Variants in CELSR2 observed in about 807,000 individuals in gnomAD.
The protein encoded by CELSR2 is cadherin EGF LAG seven-pass G-type receptor 2.
In CELSR2, 81 loss-of-function variants were observed where a neutral mutation model predicts 251.6. The observed-to-expected ratio is 0.32, with a 90% CI of 0.27 to 0.39. CELSR2 has a LOEUF of 0.39. Among genes scored for constraint, CELSR2 ranks in the 10% least tolerant of loss-of-function variants. CELSR2 has a pLI of 1.00. For synonymous variants in CELSR2, 1,721 were observed against 1,670.5 expected (o/e 1.03, Z -0.74); for missense variants, 3,365 against 3,947.7 (o/e 0.85, Z 3.96).
At chr1:109,263,310 A>C in intron 8 of CELSR2, 43 bp downstream of exon 8, 2 of 1,543,552 alleles carry the variant, frequency 1.3e-6, no homozygotes, top group Non-Finnish European at 1.8e-6. Flanking sequence ...GGGTGCCATC[A>C]ACAGTCTGGG....
chr1:109,252,217 A>C lies in CELSR2; in HGVS notation c.2138A>C (p.Gln713Pro). 6.2e-7 allele frequency: 1 copy of C among 1,613,684 alleles called. No individual in the cohort carries two copies. Among genetic ancestry groups the C allele is most frequent in the Non-Finnish European group, 8.5e-7 (1 of 1,180,024 alleles). ...GCCAACACCCATCGTCCTGTCTTTC[A>C]GAGCTCCCACTATACAGTGAATGTT... is the stretch of plus-strand genomic sequence containing the variant. ...TDANTHRPVF[Q>P]SSHYTVNVNE... Residue 713 changes from glutamine (Q) to proline (P), a missense_variant, in exon 1 of 34, where the codon CAG (glutamine) becomes CCG (proline). By Grantham distance (76) the Gln-to-Pro change is moderately conservative. This residue lies in a region of CELSR2 where 505 missense variants were observed against 660.0 expected (regional missense o/e 0.77). Transcript: ENST00000271332. This position sits in a 1 kb window ranked among gnomAD's most constrained non-coding sequence, Gnocchi z 4.8.
At chr1:109,265,131 C>A in intron 12 of CELSR2, 60 bp from the exon 13 acceptor site, 1 of 1,582,678 alleles carries the variant, frequency 6.3e-7, no homozygotes, top group Non-Finnish European at 8.6e-7. Context: ...ACATAGGGCT[C>A]ACCTAGGTTA....
rs761753467 is a variant in CELSR2 at position 109,273,568 on chromosome 1, G to A, written c.8642G>A (p.Arg2881His). The A allele has an allele frequency of 1.7e-5, 26 of 1,564,758 alleles. No individual in the cohort carries two copies. In the Middle Eastern group the frequency reaches 1.2e-3, roughly 72 times the overall value. The change falls in exon 33 of 34, where the codon CGC becomes CAC. Residue 2881 changes from arginine to histidine, a missense_variant. Arg to His is a conservative substitution (Grantham distance 29). This residue lies in a region of CELSR2 where 2,093 missense variants were observed against 2,382.8 expected (regional missense o/e 0.88). Coordinates refer to ENST00000271332, the MANE Select transcript of CELSR2 (RefSeq NM_001408.3). ...SEGSRGGPPP[R>H]PPPRQSLQEQ... ...GGCAGCCGGGGAGGCCCCCCTCCCC[G>A]CCCACCGCCCCGGCAGAGCCTCCAG...
At chr1:109,272,549 C>A in intron 29 of CELSR2, 91 bp from the exon 30 acceptor site, 2 of 1,488,686 alleles carry the variant, frequency 1.3e-6, no homozygotes, top group Non-Finnish European at 9.3e-7. Context: ...AAGGGACCCA[C>A]AGCAGGAACC....
Position 109,265,740 on chromosome 1 carries a change from C to G in CELSR2, c.5733C>G (p.Asn1911Lys), listed in dbSNP as rs748190798. 1 of 1,608,290 alleles carries G rather than the reference C, an allele frequency of 6.2e-7. No homozygotes were observed. The highest frequency in any genetic ancestry group is 1.1e-5 in the South Asian group (1 of 90,908). ...KTSGECHCKE[N>K]HYRPPGSPTC... ...GTTCTTCCCTCCTTTCTCAGGAGAA[C>G]CACTACCGGCCCCCAGGCAGCCCCA... Residue 1911 changes from asparagine (N) to lysine (K), a missense_variant, in exon 14 of 34, where the codon AAC (asparagine) becomes AAG (lysine). Asn to Lys is a moderately conservative substitution (Grantham distance 94, BLOSUM62 0). Coordinates refer to ENST00000271332, the MANE Select transcript of CELSR2 (RefSeq NM_001408.3).
intron 1 of CELSR2, among the ~76,000 whole-genome samples, chr1:109,255,097 C>G (rs1342501100): frequency 6.6e-6 from 1 of 152,156 alleles, no homozygotes; most frequent in Non-Finnish European, 1.5e-5. Context: ...CAGGACGGCT[C>G]CTCCTGGCCC....
Position 109,270,512 on chromosome 1 carries a change from C to T in CELSR2, c.7395C>T (p.Tyr2465=). 6.2e-7 allele frequency: 1 copy of T among 1,614,224 alleles called. No individual in the cohort carries two copies. The change falls in exon 24 of 34, where the codon TAC becomes TAT. Residue 2465 remains tyrosine (Y), a synonymous_variant. Transcript: ENST00000271332. ...CTCTGCTGGAGGCCTTGCACCTGTA[C>T]CGGGCACTCACTGAGGTGCGCGATG... is the stretch of plus-strand genomic sequence containing the variant. ...SWALLEALHL[Y]RALTEVRDVN... is the part of the protein sequence containing the mutation.
rs762474678 is a variant in CELSR2 at position 109,258,734 on chromosome 1, C to G, written c.3613C>G (p.Leu1205Val). 1 of 1,563,572 alleles carries G rather than the reference C, an allele frequency of 6.4e-7. No individual in the cohort carries two copies. The highest frequency in any genetic ancestry group is 8.7e-7 in the Non-Finnish European group (1 of 1,154,176). The change falls in exon 2 of 34, where the codon CTG becomes GTG. Residue 1205 changes from leucine to valine, a missense_variant. Coordinates refer to ENST00000271332, the MANE Select transcript of CELSR2 (RefSeq NM_001408.3). ...GCCGCCCTTCCTGCCCTCTGAGGAC[C>G]TGCAGGAGCGCCTATACCTCAACCG... ...GGPPFLPSEDLQERLYLNRSL... is the reference protein window; with the variant it reads ...GGPPFLPSEDVQERLYLNRSL...
rs1049523971 is a variant in CELSR2 at position 109,275,705 on chromosome 1, GT to G, written c.*1662del. 6.6e-6 allele frequency: 1 copy of G among 152,196 alleles called. No individual in the cohort carries two copies. The highest frequency in any genetic ancestry group is 2.4e-5 in the African/African-American group (1 of 41,448). 9.4% of individuals were successfully genotyped at this position (152,196 alleles called of 1,614,324 possible). A position where few individuals can be genotyped will look rare whatever the true frequency, so the allele number is the denominator to read the frequency against. On this transcript the variant is annotated 3_prime_UTR_variant, in exon 34 of 34. Transcript: ENST00000271332. ...AATAGGGTAGCGTTTTGTTGTTGTT[GT>G]TTTTTCATGCCCCATACTACTGAAT... is the stretch of plus-strand genomic sequence containing the variant.
At chr1:109,260,680 G>A (rs1655994926) in intron 2 of CELSR2, among the ~76,000 whole-genome samples, 1 of 152,160 alleles carries the variant, frequency 6.6e-6, no homozygotes, top group South Asian at 2.1e-4. Context: ...GGTGTGCTTG[G>A]TAGTGTGACA....
Position 109,269,816 on chromosome 1 carries a change from G to T in CELSR2, c.7103G>T (p.Arg2368Leu). 6.2e-7 allele frequency: 1 copy of T among 1,612,660 alleles called. No individual in the cohort carries two copies. Reference protein sequence around the residue: ...SFAVLMDVSRRENGEILPLKT... With the variant: ...SFAVLMDVSRLENGEILPLKT... ...GCTGTGCTCATGGACGTTTCTCGGC[G>T]GGAGGTCGGGCCCACAGGGGCAGCT... Residue 2368 changes from arginine (R) to leucine (L), a missense_variant, in exon 22 of 34, where the codon CGG (arginine) becomes CTG (leucine). By Grantham distance (102) the Arg-to-Leu change is moderately radical. This residue lies in a region of CELSR2 where 2,093 missense variants were observed against 2,382.8 expected (regional missense o/e 0.88). Coordinates refer to ENST00000271332, the MANE Select transcript of CELSR2 (RefSeq NM_001408.3). The surrounding 1 kb of genome is among the most constrained non-coding windows in gnomAD (Gnocchi z 6.4).
Position 109,250,100 on chromosome 1 carries a change from C to T in CELSR2, c.21C>T (p.Gly7=). 3 of 1,541,010 alleles carry T rather than the reference C, an allele frequency of 1.9e-6. No individual in the cohort carries two copies. Among genetic ancestry groups the T allele is most frequent in the Non-Finnish European group, 1.7e-6 (2 of 1,149,860 alleles). ...GAGAGATGCGGAGCCCGGCCACCGG[C>T]GTCCCCCTCCCAACGCCGCCGCCGC... MRSPAT[G]VPLPTPPPPL... Residue 7 remains glycine (G), a synonymous_variant, in exon 1 of 34, where the codon GGC becomes GGT. Transcript: ENST00000271332. This position sits in a 1 kb window ranked among gnomAD's most constrained non-coding sequence, Gnocchi z 4.4.
Position 109,251,984 on chromosome 1 carries a change from G to A in CELSR2, c.1905G>A (p.Val635=), listed in dbSNP as rs769009544. The part of the protein sequence containing the change: ...VGTSVVTVSA[V]DRDAHSVITY... ...CCAGCGTGGTGACGGTGTCAGCTGT[G>A]GACCGTGATGCTCATAGTGTCATCA... Residue 635 remains valine (V), a synonymous_variant, in exon 1 of 34, where the codon GTG becomes GTA. Coordinates refer to ENST00000271332, the MANE Select transcript of CELSR2 (RefSeq NM_001408.3). This position sits in a 1 kb window ranked among gnomAD's most constrained non-coding sequence, Gnocchi z 4.9. 1 of 1,614,078 alleles carries A rather than the reference G, an allele frequency of 6.2e-7. No homozygotes were observed. Among genetic ancestry groups the A allele is most frequent in the Non-Finnish European group, 8.5e-7 (1 of 1,180,016 alleles).
rs1291866693 is a variant in CELSR2, at chr1:109,249,853, G to T, written c.-227G>T. Among the ~76,000 whole-genome samples the T allele has an allele frequency of 6.7e-6, 1 of 150,182 alleles. No homozygotes were observed. Among genetic ancestry groups the T allele is most frequent in the Admixed American group, 6.6e-5 (1 of 15,114 alleles). On this transcript the variant is annotated 5_prime_UTR_variant, in exon 1 of 34. Coordinates refer to ENST00000271332, the MANE Select transcript of CELSR2 (RefSeq NM_001408.3). ...CGCGGCGGCAGCCCGCGGTGCTCAGGGTGACCCGGGAGCGGGTCTGGCTCA... is the reference window on the plus strand; with the variant it reads ...CGCGGCGGCAGCCCGCGGTGCTCAGTGTGACCCGGGAGCGGGTCTGGCTCA...
chr1:109,259,803 C>A (rs980494506), intron 2 of CELSR2, among the ~76,000 whole-genome samples: 1 of 152,156 alleles, frequency 6.6e-6, no homozygotes, highest in African/African-American at 2.4e-5. Context: ...AAAAGAGGAT[C>A]CTGGCTAGGC....
At position 109,267,513 on chromosome 1, in the gene CELSR2, C is replaced by T. The variant is rs561811610; in HGVS notation, c.6014-35C>T. 67 of 1,601,004 alleles carry T rather than the reference C, an allele frequency of 4.2e-5. No homozygotes were observed. In the Admixed American group the frequency reaches 4.9e-4, roughly 12 times the overall value. On this transcript the variant is annotated intron_variant, in intron 15 of 33. Coordinates refer to ENST00000271332, the MANE Select transcript of CELSR2 (RefSeq NM_001408.3). ...AGTCTCAGGGGCTTCCTGTGTGTCT[C>T]CCTGAGGCCGGCCCTTTTGGCTTCC...
Position 109,253,266 on chromosome 1 carries a change from A to G in CELSR2, c.3187A>G (p.Ser1063Gly). ...DPDISDSLTYSFERGNELSLV... is the reference protein window; with the variant it reads ...DPDISDSLTYGFERGNELSLV... Reference sequence around the variant, plus strand: ...TGATATCTCAGATAGTCTGACTTACAGCTTTGAGCGGGGAAATGAACTCAG... The same window carrying G: ...TGATATCTCAGATAGTCTGACTTACGGCTTTGAGCGGGGAAATGAACTCAG... Residue 1063 changes from serine (S) to glycine (G), a missense_variant, in exon 1 of 34, where the codon AGC becomes GGC. Physicochemically the swap from Ser to Gly is moderately conservative, Grantham distance 56. Around this residue, in one of 5 missense-constraint regions of CELSR2, gnomAD observed 505 missense variants for 660.0 expected, o/e 0.77. Transcript: ENST00000271332. 1 of 1,613,450 alleles carries G rather than the reference A, an allele frequency of 6.2e-7. No individual in the cohort carries two copies. The highest frequency in any genetic ancestry group is 8.5e-7 in the Non-Finnish European group (1 of 1,180,032).
rs2101227179 is a variant in CELSR2, at chr1:109,250,125, C to CCGT, written c.48_49insTCG (p.Pro16_Leu17insSer). 6.3e-7 allele frequency: 1 copy of CCGT among 1,586,208 alleles called. No homozygotes were observed. Among genetic ancestry groups the CCGT allele is most frequent in the Non-Finnish European group, 8.5e-7 (1 of 1,170,278 alleles). On this transcript the variant is annotated inframe_insertion, in exon 1 of 34. Coordinates refer to ENST00000271332, the MANE Select transcript of CELSR2 (RefSeq NM_001408.3). This position sits in a 1 kb window ranked among gnomAD's most constrained non-coding sequence, Gnocchi z 4.4. The stretch of plus-strand genomic sequence containing the variant: ...CGTCCCCCTCCCAACGCCGCCGCCG[C>CCGT]CGCTGCTGCTGCTGTTGCTGCTGCT...
At position 109,265,293 on chromosome 1, in the gene CELSR2, C is replaced by G. The variant is rs41279712; in HGVS notation, c.5709C>G (p.Ser1903Arg). The G allele has an allele frequency of 6.2e-7, 1 of 1,606,248 alleles. No homozygotes were observed. Among genetic ancestry groups the G allele is most frequent in the African/African-American group, 1.3e-5 (1 of 74,762 alleles). The change falls in exon 13 of 34, where the codon AGC becomes AGG. Residue 1903 changes from serine to arginine, a missense_variant. By Grantham distance (110) the Ser-to-Arg change is moderately radical (BLOSUM62 -1). Coordinates refer to ENST00000271332, the MANE Select transcript of CELSR2 (RefSeq NM_001408.3). ...KGFDPDCNKT[S>R]GECHCKENHY... ...TTGACCCAGACTGCAACAAGACAAG[C>G]GGCGAGTGCCACTGCAAGGTGACAG...
Sources: gnomAD v4.1 joint callset for allele counts (sites outside exome capture counted in the v4.1 genomes callset) on GRCh38, gnomAD v4.1.1 for gene constraint, gnomAD v4.1.1 regional missense constraint, Gnocchi (gnomAD v3.1) non-coding constraint, MANE v1.5 for transcripts, NCBI Gene and HGNC (gene_info 2026-07-23, HGNC 2026-07-21) for gene names.